FBLN2: variants seen among roughly 807,000 people sequenced by gnomAD.
FBLN2 encodes fibulin-2.
Under a neutral mutation model 123.7 loss-of-function variants are expected in FBLN2, and 81 were observed. The ratio of observed to expected loss-of-function variants is 0.65; its 90% confidence interval spans 0.55 to 0.79. FBLN2 has a LOEUF of 0.79. Ranked by LOEUF, FBLN2 falls within the 30% of genes least tolerant of loss-of-function variation. The probability of loss-of-function intolerance (pLI) is 0.00; values close to 1 mark genes in which losing one functional copy is unlikely to be tolerated. For missense variants in FBLN2, 1,603 were observed against 1,681.3 expected (o/e 0.95, Z 0.81); for synonymous variants, 699 against 701.4 (o/e 1.00, Z 0.05).
At chr3:13,623,205 G>C (rs1705914869) in intron 9 of FBLN2, among the ~76,000 whole-genome samples, 1 of 152,214 alleles carries the variant, frequency 6.6e-6, no homozygotes, top group South Asian at 2.1e-4. Context: ...CTTCCTGTCT[G>C]GGTTGGGTCC....
At chr3:13,626,774 G>A (rs1574996852) in intron 10 of FBLN2, among the ~76,000 whole-genome samples, 195 bp downstream of exon 10, 1 of 152,286 alleles carries the variant, frequency 6.6e-6, no homozygotes, top group East Asian at 1.9e-4. Context: ...GGTGGTGTTT[G>A]GGGCGGAGAT....
chr3:13,612,392 T>G (rs564417094), intron 4 of FBLN2, among the ~76,000 whole-genome samples: 9 of 151,374 alleles, frequency 5.9e-5, no homozygotes, highest in African/African-American at 1.7e-4. Flanking sequence ...CTGTCTGTCT[T>G]TCTTTCTTGA....
intron 2 of FBLN2, among the ~76,000 whole-genome samples, chr3:13,605,791 C>T (rs752638875): frequency 1.3e-5 from 2 of 152,146 alleles, no homozygotes; most frequent in Non-Finnish European, 2.9e-5. Flanking sequence ...TCCAGCTGGC[C>T]GCAGTCTCCT....
In FBLN2 at chr3:13,629,954, G is replaced by A. The variant is rs776270716; in HGVS notation, c.2968+9G>A. ...CGGCAAGCGCTGTGAAGGTAGGCTG[G>A]CCCTCATCTCTGACCCTATGCCGCC... On this transcript the variant is annotated intron_variant, in intron 14 of 17. Transcript: ENST00000404922. 1.1e-4 allele frequency: 176 copies of A among 1,610,018 alleles called. 1 individual carries two copies. The Admixed American group carries it at 2.9e-3, about 27-fold the overall frequency.
rs56947028 is a variant in FBLN2, at chr3:13,633,954, AACACACACACACACAC to A, written c.3215-2465_3215-2450del. Among the ~76,000 whole-genome samples, 7 of 112,826 alleles carry A rather than the reference AACACACACACACACAC, an allele frequency of 6.2e-5. No homozygotes were observed. The East Asian group carries it at 1.5e-3, about 24-fold the overall frequency. The allele number at this position is 112,826 out of a possible 152,430, so 74.0% of individuals were successfully genotyped here. On this transcript the variant is annotated intron_variant, in intron 16 of 17. Coordinates refer to ENST00000404922, the MANE Select transcript of FBLN2 (RefSeq NM_001004019.2). ...CCTTAGCAGATATAAACACACTGCA[AACACACACACACACAC>A]ACACACACACACACACACACACACA...
rs528327633 is a variant in FBLN2, at chr3:13,556,125, G to A, written c.-42+6917G>A. 5.9e-5 allele frequency among the ~76,000 whole-genome samples: 9 copies of A among 152,290 alleles called. No homozygotes were observed. In the East Asian group the frequency reaches 1.5e-3, roughly 26 times the overall value. ...CCATGTCCTCTGTGCCCCCAGCTCCGTGCCCTAAGACTGTCCTGGCGGGTT... is the reference window on the plus strand; with the variant it reads ...CCATGTCCTCTGTGCCCCCAGCTCCATGCCCTAAGACTGTCCTGGCGGGTT... On this transcript the variant is annotated intron_variant, in intron 1 of 17. Coordinates refer to ENST00000404922, the MANE Select transcript of FBLN2 (RefSeq NM_001004019.2).
At chr3:13,591,679 G>A (rs139914816) in intron 2 of FBLN2, among the ~76,000 whole-genome samples, 16 of 152,186 alleles carry the variant, frequency 1.1e-4, no homozygotes, top group African/African-American at 3.6e-4. Flanking sequence ...GTAATTTTTA[G>A]TATCTGCTAG....
intron 2 of FBLN2, among the ~76,000 whole-genome samples, chr3:13,589,346 A>G (rs1704600045): frequency 1.3e-5 from 2 of 152,242 alleles, no homozygotes; most frequent in South Asian, 4.1e-4. Flanking sequence ...AGAGCTTTCT[A>G]AGGAGCAGCT....
At chr3:13,621,959 C>T (rs1432491794) in intron 9 of FBLN2, 44 bp downstream of exon 9, 2 of 1,594,666 alleles carry the variant, frequency 1.3e-6, no homozygotes, top group South Asian at 1.1e-5. Context: ...CAGCTCTCCG[C>T]TCTGCTCCAC....
At chr3:13,580,345 G>T (rs1263788871) in intron 2 of FBLN2, among the ~76,000 whole-genome samples, 1 of 152,200 alleles carries the variant, frequency 6.6e-6, no homozygotes, top group Non-Finnish European at 1.5e-5. Context: ...TACACCTGCA[G>T]TCATGAGAAT....
At position 13,636,575 on chromosome 3, in the gene FBLN2, G is replaced by A. The variant is rs111717570; in HGVS notation, c.3338+7G>A. ...ATGTCCAAGTCTCCAAAACGTGAGT[G>A]TCCCCACCCCAGTCCCAGTCCCAGG... On this transcript the variant is annotated splice_region_variant and intron_variant, in intron 17 of 17. Coordinates refer to ENST00000404922, the MANE Select transcript of FBLN2 (RefSeq NM_001004019.2). The A allele has an allele frequency of 1.2e-6, 2 of 1,612,636 alleles. No homozygotes were observed.
chr3:13,578,529 T>A (rs1286840439), intron 2 of FBLN2, among the ~76,000 whole-genome samples: 1 of 152,240 alleles, frequency 6.6e-6, no homozygotes, highest in Non-Finnish European at 1.5e-5. Context: ...GCATGTGTCA[T>A]TAATTCCTTT....
chr3:13,574,711 G>A (rs981169383), intron 2 of FBLN2, among the ~76,000 whole-genome samples: 2 of 152,172 alleles, frequency 1.3e-5, no homozygotes, highest in African/African-American at 4.8e-5. Flanking sequence ...CCAGGGCTGA[G>A]CAGGGCAAAG....
chr3:13,550,704 G>A (rs1418318063), intron 1 of FBLN2, among the ~76,000 whole-genome samples: 1 of 152,156 alleles, frequency 6.6e-6, no homozygotes, highest in Non-Finnish European at 1.5e-5. Flanking sequence ...CCAGCAGGAG[G>A]AAGAGAGGGA....
chr3:13,591,796 G>A (rs930140805), intron 2 of FBLN2, among the ~76,000 whole-genome samples: 1 of 152,130 alleles, frequency 6.6e-6, no homozygotes, highest in Non-Finnish European at 1.5e-5. Flanking sequence ...TATCCTAGAT[G>A]TTTTATTGTT....
At chr3:13,609,390 C>T (rs1705313409) in intron 3 of FBLN2, 123 bp from the exon 4 acceptor site, 1 of 1,149,304 alleles carries the variant, frequency 8.7e-7, no homozygotes, top group Non-Finnish European at 1.2e-6. Context: ...CCGGCTCTGC[C>T]ACCTGCACCG....
chr3:13,626,360 C>G, intron 9 of FBLN2, 85 bp from the exon 10 acceptor site: 1 of 1,394,326 alleles, frequency 7.2e-7, no homozygotes, highest in Non-Finnish European at 9.6e-7. Flanking sequence ...AGCTCTCTCC[C>G]TCCTGGTGGC....
At position 13,571,549 on chromosome 3, in the gene FBLN2, G is replaced by T. The variant is rs758808817; in HGVS notation, c.1194G>T (p.Trp398Cys). 2.8e-5 allele frequency: 45 copies of T among 1,613,592 alleles called. No homozygotes were observed. The highest frequency in any genetic ancestry group is 1.6e-4 in the Middle Eastern group (1 of 6,062). The change falls in exon 2 of 18, where the codon TGG becomes TGT. Residue 398 changes from tryptophan to cysteine, a missense_variant. Transcript: ENST00000404922. Reference protein sequence around the residue: ...ILSTSLPDAAWIPPTREVPRK... With the variant: ...ILSTSLPDAACIPPTREVPRK... ...CCACATCACTGCCTGATGCAGCCTG[G>T]ATCCCACCCACCCGAGAAGTGCCCA...
intron 2 of FBLN2, among the ~76,000 whole-genome samples, chr3:13,572,944 G>A (rs575159960): frequency 8.7e-4 from 133 of 152,266 alleles, no homozygotes; most frequent in African/African-American, 3.1e-3. Context: ...AAGACCCCAC[G>A]CAGGTTTGAA....
Sources: gnomAD v4.1 joint callset for allele counts (sites outside exome capture counted in the v4.1 genomes callset) on GRCh38, gnomAD v4.1.1 for gene constraint, MANE v1.5 for transcripts, NCBI Gene and HGNC (gene_info 2026-07-23, HGNC 2026-07-21) for gene names.